The following SNX29 variants were observed in gnomAD, a reference collection of about 807,000 sequenced individuals.
The protein encoded by SNX29 is sorting nexin 29.
SNX29 carries 78 observed loss-of-function variants against 102.1 expected under a neutral mutation model. The ratio of observed to expected loss-of-function variants is 0.76; its 90% confidence interval spans 0.64 to 0.92. The LOEUF (loss-of-function observed/expected upper bound fraction) is 0.92. SNX29 is among the 40% of genes least tolerant of loss of function. The pLI, the probability that SNX29 is intolerant of heterozygous loss-of-function variation, is 0.00. For synonymous variants in SNX29, 580 were observed against 414.5 expected, an observed-to-expected ratio of 1.40 and a Z score of -4.85; for missense variants, 1,280 against 1,061.7, an observed-to-expected ratio of 1.21 and a Z score of -2.86.
chr16:12,246,504 A>G (rs530649344), intron 14 of SNX29, among the ~76,000 whole-genome samples: 1 of 152,082 alleles, frequency 6.6e-6, no homozygotes, highest in Non-Finnish European at 1.5e-5. Context: ...AGCTGGGTGT[A>G]GTGGCACACT....
intron 9 of SNX29, among the ~76,000 whole-genome samples, chr16:12,064,064 G>T (rs1358066419): frequency 1.3e-5 from 2 of 152,078 alleles, no homozygotes; most frequent in Admixed American, 1.3e-4. Context: ...TCAATTTCCT[G>T]CTCACCTTGT....
intron 14 of SNX29, among the ~76,000 whole-genome samples, chr16:12,276,490 C>A (rs1017368662): frequency 6.6e-6 from 1 of 152,146 alleles, no homozygotes; most frequent in Admixed American, 6.5e-5. Flanking sequence ...GCCTTCCTGA[C>A]TTTCACCTTC....
chr16:12,527,315 C>G (rs1225466946), intron 20 of SNX29: 2 of 531,172 alleles, frequency 3.8e-6, no homozygotes, highest in Admixed American at 2.2e-5. Context: ...AGCGAGACTG[C>G]TGTCTCAGCT....
rs1385160355 is a variant in SNX29, at chr16:12,105,239, T to G, written c.1403-21394T>G. Among the ~76,000 whole-genome samples the G allele has an allele frequency of 1.3e-4, 18 of 139,670 alleles. 2 individuals carry two copies. The East Asian group carries it at 3.8e-3, about 29-fold the overall frequency. The allele number at this position is 139,670 out of a possible 152,430, so 91.6% of individuals were successfully genotyped here. ...TCCCTCCCTCCCTCCCTTCCTTCCT[T>G]CCTTCCTTCATTGTCTCACTCTGTC... On this transcript the variant is annotated intron_variant, in intron 11 of 20. Transcript: ENST00000566228.
At chr16:12,187,899 T>G (rs1327519487) in intron 13 of SNX29, among the ~76,000 whole-genome samples, 4 of 152,146 alleles carry the variant, frequency 2.6e-5, no homozygotes, top group Admixed American at 2.0e-4. Flanking sequence ...AGGGACCTGA[T>G]GCAGCTGAGG....
At chr16:12,437,923 G>A (rs2085610814) in intron 18 of SNX29, among the ~76,000 whole-genome samples, 2 of 152,140 alleles carry the variant, frequency 1.3e-5, no homozygotes, top group Admixed American at 1.3e-4. Flanking sequence ...CACAGCCCAG[G>A]GCCCCAGCGG....
intron 14 of SNX29, among the ~76,000 whole-genome samples, chr16:12,256,239 T>C (rs79001596): frequency 0.018 from 2,693 of 152,312 alleles, 97 homozygotes; most frequent in African/African-American, 0.062. Context: ...TGCTATTGAG[T>C]TGTTTGAGTT....
At chr16:12,434,452 G>C (rs964895213) in intron 18 of SNX29, among the ~76,000 whole-genome samples, 9 of 152,188 alleles carry the variant, frequency 5.9e-5, no homozygotes, top group Non-Finnish European at 1.3e-4. Flanking sequence ...AGCAGGGCGA[G>C]GGAGCCGATG....
chr16:12,060,892 C>T (rs1055144440), intron 8 of SNX29: 5 of 455,980 alleles, frequency 1.1e-5, no homozygotes, highest in Non-Finnish European at 2.2e-5. Flanking sequence ...ATTGAGCCGA[C>T]TCCCTTTCTT....
intron 20 of SNX29, among the ~76,000 whole-genome samples, chr16:12,528,736 C>G (rs1037609108): frequency 1.3e-5 from 2 of 152,244 alleles, no homozygotes; most frequent in African/African-American, 2.4e-5. Flanking sequence ...CCCACGGCCC[C>G]TCCATTTGAA....
intron 14 of SNX29, among the ~76,000 whole-genome samples, chr16:12,255,454 C>A (rs1370033383): frequency 6.6e-6 from 1 of 152,122 alleles, no homozygotes; most frequent in Non-Finnish European, 1.5e-5. Flanking sequence ...TTAACTACAG[C>A]CACCATGCTG....
chr16:12,113,459 G>A (rs1281567507), intron 11 of SNX29, among the ~76,000 whole-genome samples: 2 of 152,138 alleles, frequency 1.3e-5, no homozygotes, highest in African/African-American at 2.4e-5. Context: ...TGCAGAGTTG[G>A]TGAGATTCAC....
chr16:12,556,878 G>A (rs2078388437), intron 20 of SNX29, among the ~76,000 whole-genome samples: 1 of 151,864 alleles, frequency 6.6e-6, no homozygotes, highest in South Asian at 2.1e-4. Context: ...TTTGAGATAG[G>A]GTCTCCGTCT....
intron 15 of SNX29, among the ~76,000 whole-genome samples, chr16:12,327,833 G>A (rs1193167715): frequency 6.6e-6 from 1 of 152,130 alleles, no homozygotes; most frequent in Non-Finnish European, 1.5e-5. Context: ...CTCCCATGAG[G>A]TGACCATTTG....
At chr16:12,337,893 A>G (rs146933203) in intron 15 of SNX29, among the ~76,000 whole-genome samples, 43 of 152,302 alleles carry the variant, frequency 2.8e-4, no homozygotes, top group Non-Finnish European at 4.3e-4. Flanking sequence ...ACAGGTTGCA[A>G]GTGGAAGTTT....
chr16:12,125,033 A>G (rs1303961491), intron 11 of SNX29, among the ~76,000 whole-genome samples: 1 of 152,140 alleles, frequency 6.6e-6, no homozygotes, highest in Non-Finnish European at 1.5e-5. Context: ...GGCTCAGGGG[A>G]GAGGAGAGAA....
chr16:12,382,358 G>A (rs562370047), intron 16 of SNX29, among the ~76,000 whole-genome samples: 3 of 152,278 alleles, frequency 2.0e-5, no homozygotes, highest in Admixed American at 6.5e-5. Context: ...TGTAAGTTGA[G>A]TTATAACCTA....
At chr16:12,538,086 A>C (rs1445323986) in intron 20 of SNX29, among the ~76,000 whole-genome samples, 1 of 151,544 alleles carries the variant, frequency 6.6e-6, no homozygotes. Context: ...TCAGTGGGCT[A>C]AGCAAATTCA....
chr16:12,196,771 C>T (rs929104693), intron 13 of SNX29, among the ~76,000 whole-genome samples: 6 of 152,070 alleles, frequency 3.9e-5, no homozygotes, highest in African/African-American at 1.4e-4. Context: ...CAGGCACATG[C>T]CACCATGCCC....
Sources: gnomAD v4.1 joint callset for allele counts (sites outside exome capture counted in the v4.1 genomes callset) on GRCh38, gnomAD v4.1.1 for gene constraint, MANE v1.5 for transcripts, NCBI Gene and HGNC (gene_info 2026-07-23, HGNC 2026-07-21) for gene names.